The following GPM6A variants were observed in gnomAD, a reference collection of about 807,000 sequenced individuals.
The protein encoded by GPM6A is neuronal membrane glycoprotein M6-a.
Under a neutral mutation model 32.1 loss-of-function variants are expected in GPM6A, and 7 were observed. The observed-to-expected ratio is 0.22, with a 90% CI of 0.12 to 0.41. The LOEUF is 0.41. Ranked by LOEUF, GPM6A falls within the 10% of genes least tolerant of loss-of-function variation. The pLI is 1.00. For missense variants in GPM6A, 235 were observed against 347.2 expected, an observed-to-expected ratio of 0.68 and a Z score of 2.57; for synonymous variants, 130 against 123.4, an observed-to-expected ratio of 1.05 and a Z score of -0.35.
chr4:175,937,878 AC>A (rs1325808311), intron 1 of GPM6A, among the ~76,000 whole-genome samples: 2 of 152,154 alleles, frequency 1.3e-5, no homozygotes, highest in Non-Finnish European at 1.5e-5. Flanking sequence ...AACAAAAAGC[AC>A]CTAAATTACA....
chr4:175,697,800 G>A (rs557869455), intron 2 of GPM6A, among the ~76,000 whole-genome samples: 1 of 152,232 alleles, frequency 6.6e-6, no homozygotes, highest in South Asian at 2.1e-4. Flanking sequence ...CAGTATAATG[G>A]GTGATATCAG....
intron 1 of GPM6A, among the ~76,000 whole-genome samples, chr4:175,934,706 T>C (rs1204127740): frequency 6.6e-6 from 1 of 152,202 alleles, no homozygotes; most frequent in Non-Finnish European, 1.5e-5. Context: ...AGATACTCTT[T>C]CACAGAACGC....
chr4:175,670,004 G>GAAAAAAAA (rs533205454), intron 3 of GPM6A, among the ~76,000 whole-genome samples: 1 of 143,592 alleles, frequency 7.0e-6, no homozygotes, highest in African/African-American at 2.5e-5. Context: ...CAGCCCTCAG[G>GAAAAAAAA]AAAAAAAAAA....
At chr4:175,972,006 G>C (rs1169696931) in intron 1 of GPM6A, 6 of 152,144 alleles carry the variant, frequency 3.9e-5, no homozygotes, top group Non-Finnish European at 1.5e-5. Flanking sequence ...TTGTCTACTT[G>C]AAAAGTATTT....
chr4:175,740,794 G>A (rs1286883392), intron 1 of GPM6A, among the ~76,000 whole-genome samples: 1 of 152,008 alleles, frequency 6.6e-6, no homozygotes, highest in African/African-American at 2.4e-5. Context: ...GAGCATCTAA[G>A]ATAAACTAAA....
chr4:175,976,007 G>A (rs1740645200), intron 1 of GPM6A, among the ~76,000 whole-genome samples: 1 of 151,978 alleles, frequency 6.6e-6, no homozygotes, highest in African/African-American at 2.4e-5. Context: ...TATGCTATTT[G>A]TGTTTGAAAA....
chr4:175,862,611 G>A (rs905896170), intron 1 of GPM6A, among the ~76,000 whole-genome samples: 12 of 151,982 alleles, frequency 7.9e-5, no homozygotes, highest in African/African-American at 2.4e-4. Flanking sequence ...AAGTACTTTC[G>A]TAAACAATAC....
chr4:175,960,247 T>C (rs945967288), intron 1 of GPM6A, among the ~76,000 whole-genome samples: 5 of 152,206 alleles, frequency 3.3e-5, no homozygotes, highest in African/African-American at 1.2e-4. Context: ...ATAATTGTTA[T>C]ATAAGCAAAT....
chr4:175,709,353 CT>C (rs1745398591), intron 1 of GPM6A, among the ~76,000 whole-genome samples: 1 of 151,612 alleles, frequency 6.6e-6, no homozygotes, highest in South Asian at 2.1e-4. Flanking sequence ...CTCTCTCTCT[CT>C]GTCTGTCTTT....
chr4:175,657,638 G>A (rs146568707), intron 3 of GPM6A, among the ~76,000 whole-genome samples: 7 of 152,172 alleles, frequency 4.6e-5, no homozygotes, highest in Admixed American at 1.3e-4. Flanking sequence ...GTGGGGTACC[G>A]GACATGAGCC....
chr4:175,854,848 C>T (rs1012101188), intron 1 of GPM6A, among the ~76,000 whole-genome samples: 3 of 152,134 alleles, frequency 2.0e-5, no homozygotes, highest in Non-Finnish European at 4.4e-5. Context: ...ATAAAGAAAC[C>T]TCAAGAAAGA....
intron 1 of GPM6A, among the ~76,000 whole-genome samples, chr4:175,895,189 T>C (rs1017904468): frequency 7.9e-5 from 12 of 152,296 alleles, no homozygotes; most frequent in Non-Finnish European, 1.8e-4. Flanking sequence ...TGACTTGAGA[T>C]GCCACCAGTG....
At chr4:175,962,118 C>G in intron 1 of GPM6A, 2 of 764,132 alleles carry the variant, frequency 2.6e-6, no homozygotes, top group South Asian at 2.7e-5. Flanking sequence ...TGCTGTGCAC[C>G]ATCCGGACCC....
chr4:175,885,291 T>C (rs1737415568), intron 1 of GPM6A, among the ~76,000 whole-genome samples: 3 of 152,228 alleles, frequency 2.0e-5, no homozygotes, highest in Non-Finnish European at 4.4e-5. Context: ...GTACACACTT[T>C]ACATTTATAA....
intron 1 of GPM6A, among the ~76,000 whole-genome samples, chr4:175,768,581 G>T (rs193173690): frequency 6.6e-6 from 1 of 151,476 alleles, no homozygotes; most frequent in Non-Finnish European, 1.5e-5. Context: ...GAGAAATAGT[G>T]AAGGTTAAGT....
At chr4:175,836,114 G>A (rs368484269) in intron 1 of GPM6A, among the ~76,000 whole-genome samples, 8 of 152,204 alleles carry the variant, frequency 5.3e-5, no homozygotes, top group South Asian at 4.1e-4. Flanking sequence ...AATCTTTGGC[G>A]AGTATCTGGC....
At chr4:175,767,472 AAC>A (rs1272703471) in intron 1 of GPM6A, among the ~76,000 whole-genome samples, 3 of 152,198 alleles carry the variant, frequency 2.0e-5, no homozygotes, top group Non-Finnish European at 4.4e-5. Context: ...TTACCATGAA[AAC>A]CTCGAGAAAT....
intron 2 of GPM6A, among the ~76,000 whole-genome samples, chr4:175,699,932 T>C (rs1336976269): frequency 6.6e-6 from 1 of 152,184 alleles, no homozygotes; most frequent in Non-Finnish European, 1.5e-5. Context: ...TTTCACTCTG[T>C]TGCGAAGGCT....
At chr4:175,959,204 G>A (rs1320564207) in intron 1 of GPM6A, among the ~76,000 whole-genome samples, 1 of 152,094 alleles carries the variant, frequency 6.6e-6, no homozygotes, top group Non-Finnish European at 1.5e-5. Context: ...CAAAATCGCT[G>A]GGTAGATGGG....
Sources: gnomAD v4.1 joint callset for allele counts (sites outside exome capture counted in the v4.1 genomes callset) on GRCh38, gnomAD v4.1.1 for gene constraint, MANE v1.5 for transcripts, NCBI Gene and HGNC (gene_info 2026-07-23, HGNC 2026-07-21) for gene names.